EFNA5: variants seen among roughly 807,000 people sequenced by gnomAD.
EFNA5 encodes the protein ephrin A5.
In EFNA5, 5 loss-of-function variants were observed where a neutral mutation model predicts 22.9. The observed-to-expected ratio is 0.22, with a 90% CI of 0.11 to 0.46. The LOEUF (loss-of-function observed/expected upper bound fraction) is 0.46, where lower values mean the gene tolerates loss of function less well. Ranked by LOEUF, EFNA5 falls within the 20% of genes least tolerant of loss-of-function variation. EFNA5 has a pLI of 0.99. For synonymous variants in EFNA5, 113 were observed against 112.2 expected (o/e 1.01, Z -0.04); for missense variants, 237 against 293.3 (o/e 0.81, Z 1.40).
At chr5:107,529,881 A>G (rs527507285) in intron 1 of EFNA5, among the ~76,000 whole-genome samples, 5 of 152,306 alleles carry the variant, frequency 3.3e-5, no homozygotes, top group African/African-American at 2.4e-5. Flanking sequence ...TGCAAATTCC[A>G]CTGTGTATTA....
chr5:107,521,481 T>A (rs1028801965), intron 1 of EFNA5, among the ~76,000 whole-genome samples: 1 of 148,070 alleles, frequency 6.8e-6, no homozygotes, highest in African/African-American at 2.5e-5. Flanking sequence ...TATATATTTT[T>A]TTTTTTTTTT....
chr5:107,398,263 C>G (rs1445660666), intron 2 of EFNA5, among the ~76,000 whole-genome samples: 1 of 152,160 alleles, frequency 6.6e-6, no homozygotes, highest in Non-Finnish European at 1.5e-5. Flanking sequence ...TCTCAAAATC[C>G]CTACTTCCTC....
intron 2 of EFNA5, 51 bp downstream of exon 2, chr5:107,427,166 G>T: frequency 6.2e-7 from 1 of 1,602,264 alleles, no homozygotes; most frequent in African/African-American, 1.3e-5. Context: ...TAAAAAATTA[G>T]TCTGGGTTCT....
At chr5:107,525,618 TAAGG>T (rs1204716727) in intron 1 of EFNA5, among the ~76,000 whole-genome samples, 2 of 152,192 alleles carry the variant, frequency 1.3e-5, no homozygotes, top group East Asian at 1.9e-4. Flanking sequence ...AGGAAAATCA[TAAGG>T]AAGAGAAAAT....
At chr5:107,381,874 G>A (rs1440852173) in intron 4 of EFNA5, among the ~76,000 whole-genome samples, 2 of 152,120 alleles carry the variant, frequency 1.3e-5, no homozygotes, top group Admixed American at 6.5e-5. Context: ...ATGCCTAGAC[G>A]AATTTTCAAA....
chr5:107,637,502 GTGTGTGTGTGTGTGTC>G lies in EFNA5; in HGVS notation c.125+32971_125+32986del, dbSNP rs1750399135. 4.0e-5 allele frequency among the ~76,000 whole-genome samples: 6 copies of G among 150,702 alleles called. No individual in the cohort carries two copies. The Admixed American group carries it at 4.0e-4, about 10-fold the overall frequency. ...AAATATTCACAGCAAGGCACTGTGT[GTGTGTGTGTGTGTGTC>G]TGTGTGTGTGTGTGTGTGTGTGTGG... On this transcript the variant is annotated intron_variant, in intron 1 of 4. Coordinates refer to ENST00000333274, the MANE Select transcript of EFNA5 (RefSeq NM_001962.3).
Position 107,669,226 on chromosome 5 carries a change from T to A in EFNA5, c.125+1263A>T, listed in dbSNP as rs187340665. ...AGAAAAAACTGGAGGCGCCCACCGATACCCTCTCTCCTGGAGCCCGGGGCG... is the reference window on the plus strand; with the variant it reads ...AGAAAAAACTGGAGGCGCCCACCGAAACCCTCTCTCCTGGAGCCCGGGGCG... On this transcript the variant is annotated intron_variant, in intron 1 of 4. Transcript: ENST00000333274. 7.4e-3 allele frequency among the ~76,000 whole-genome samples: 1,123 copies of A among 151,474 alleles called. 21 individuals carry two copies. Among genetic ancestry groups the A allele is most frequent in the African/African-American group, 0.025 (1,047 of 41,312 alleles).
At chr5:107,490,950 C>T (rs1378078128) in intron 1 of EFNA5, among the ~76,000 whole-genome samples, 1 of 152,214 alleles carries the variant, frequency 6.6e-6, no homozygotes, top group Non-Finnish European at 1.5e-5. Flanking sequence ...AACTCTTTTA[C>T]TTTCAATCAT....
intron 1 of EFNA5, among the ~76,000 whole-genome samples, chr5:107,643,504 A>G (rs1750567880): frequency 6.6e-6 from 1 of 152,144 alleles, no homozygotes; most frequent in Non-Finnish European, 1.5e-5. Flanking sequence ...TCCAGACACA[A>G]CCATCTGGGC....
intron 1 of EFNA5, among the ~76,000 whole-genome samples, chr5:107,588,692 A>C (rs1749247360): frequency 6.6e-6 from 1 of 152,326 alleles, no homozygotes. Context: ...CTCTGTAAGA[A>C]ACATTTAGCA....
intron 2 of EFNA5, among the ~76,000 whole-genome samples, chr5:107,420,754 T>C (rs1748635386): frequency 6.6e-6 from 1 of 152,130 alleles, no homozygotes; most frequent in Admixed American, 6.5e-5. Context: ...TTTTTTGCCA[T>C]ATGTGGTTTA....
intron 1 of EFNA5, among the ~76,000 whole-genome samples, chr5:107,640,969 T>C (rs374209980): frequency 7.0e-6 from 1 of 143,178 alleles, no homozygotes; most frequent in Non-Finnish European, 1.6e-5. Flanking sequence ...GGTAGGTAGG[T>C]AGGCAGGTAG....
intron 1 of EFNA5, among the ~76,000 whole-genome samples, chr5:107,607,323 C>T (rs896481915): frequency 6.6e-6 from 1 of 152,166 alleles, no homozygotes; most frequent in Non-Finnish European, 1.5e-5. Context: ...TTAAATAAAA[C>T]GGCGAGTAGG....
At chr5:107,546,704 G>A (rs1748166265) in intron 1 of EFNA5, among the ~76,000 whole-genome samples, 1 of 126,140 alleles carries the variant, frequency 7.9e-6, no homozygotes. Flanking sequence ...CCCTGGTGTA[G>A]GAAAGAATTT....
chr5:107,649,610 G>T (rs1438075356), intron 1 of EFNA5, among the ~76,000 whole-genome samples: 2 of 152,162 alleles, frequency 1.3e-5, no homozygotes, highest in Non-Finnish European at 2.9e-5. Context: ...AGTGAAAATT[G>T]AGGGTTGGAG....
At chr5:107,569,586 T>TATATATATTTATATATATATTC (rs1561436023) in intron 1 of EFNA5, among the ~76,000 whole-genome samples, 6 of 82,946 alleles carry the variant, frequency 7.2e-5, no homozygotes, top group African/African-American at 2.4e-4. Context: ...TATATATATA[T>TATATATATTTATATATATATTC]ATATATATAT....
At chr5:107,433,340 T>G (rs944652222) in intron 1 of EFNA5, among the ~76,000 whole-genome samples, 2 of 152,202 alleles carry the variant, frequency 1.3e-5, no homozygotes, top group African/African-American at 4.8e-5. Flanking sequence ...AAATTCAGCA[T>G]GGCAACTAGT....
At chr5:107,516,174 T>TTGTGTGTGTGTGTGTGTGTGTG (rs59824895) in intron 1 of EFNA5, among the ~76,000 whole-genome samples, 85 of 139,610 alleles carry the variant, frequency 6.1e-4, no homozygotes, top group East Asian at 8.6e-4. Flanking sequence ...CTGGCTAGTT[T>TTGTGTGTGTGTGTGTGTGTGTG]TGTGTGTGTG....
At chr5:107,653,004 A>G (rs2112554149) in intron 1 of EFNA5, among the ~76,000 whole-genome samples, 1 of 152,216 alleles carries the variant, frequency 6.6e-6, no homozygotes, top group African/African-American at 2.4e-5. Context: ...CAGGGATGCC[A>G]AGGCACTTAG....
Sources: gnomAD v4.1 joint callset for allele counts (sites outside exome capture counted in the v4.1 genomes callset) on GRCh38, gnomAD v4.1.1 for gene constraint, MANE v1.5 for transcripts, NCBI Gene and HGNC (gene_info 2026-07-23, HGNC 2026-07-21) for gene names.